The following DNAH5 variants were observed in gnomAD, a reference collection of about 807,000 sequenced individuals.
The protein encoded by DNAH5 is dynein axonemal heavy chain 5.
Under a neutral mutation model 518.2 loss-of-function variants are expected in DNAH5, and 372 were observed. That is an observed-to-expected ratio of 0.72 (90% CI 0.66 to 0.78). The LOEUF (loss-of-function observed/expected upper bound fraction) is 0.78, where lower values mean the gene tolerates loss of function less well. Ranked by LOEUF, DNAH5 falls within the 30% of genes least tolerant of loss-of-function variation. DNAH5 has a pLI of 0.00. For synonymous variants in DNAH5, 2,039 were observed against 2,025.9 expected (o/e 1.01, Z -0.17); for missense variants, 5,523 against 5,687.0 (o/e 0.97, Z 0.93).
Position 13,708,007 on chromosome 5 carries a change from G to A in DNAH5, c.13338+116C>T, listed in dbSNP as rs534020635. The A allele has an allele frequency of 4.5e-5, 56 of 1,244,892 alleles. No individual in the cohort carries two copies. The East Asian group carries it at 6.1e-4, about 14-fold the overall frequency. The allele number at this position is 1,244,892 out of a possible 1,614,324, so 77.1% of individuals were successfully genotyped here. ...AAAATACAGGGCTACAGGGGGCTTCGTCCCTGTGCAAAAGAATCATGTTGA... is the reference window on the plus strand; with the variant it reads ...AAAATACAGGGCTACAGGGGGCTTCATCCCTGTGCAAAAGAATCATGTTGA... On this transcript the variant is annotated intron_variant, in intron 76 of 78. Coordinates refer to ENST00000265104, the MANE Select transcript of DNAH5 (RefSeq NM_001369.3).
Position 13,691,810 on chromosome 5 carries a change from A to G in DNAH5, c.*174T>C, listed in dbSNP as rs1038240439. 1 of 719,730 alleles carries G rather than the reference A, an allele frequency of 1.4e-6. No individual in the cohort carries two copies. Among genetic ancestry groups the G allele is most frequent in the Admixed American group, 2.7e-5 (1 of 36,634 alleles). The allele number at this position is 719,730 out of a possible 1,614,324, so 44.6% of individuals were successfully genotyped here. ...CAACAAACTCAGACATTGGTCACTA[A>G]TGATGAAACAAGTAAAATATAAGCA... is the stretch of plus-strand genomic sequence containing the variant. On this transcript the variant is annotated 3_prime_UTR_variant, in exon 79 of 79. Coordinates refer to ENST00000265104, the MANE Select transcript of DNAH5 (RefSeq NM_001369.3).
chr5:13,808,247 AAG>A (rs1759976987), intron 46 of DNAH5, among the ~76,000 whole-genome samples: 1 of 137,092 alleles, frequency 7.3e-6, no homozygotes, highest in African/African-American at 3.0e-5. Flanking sequence ...AAAAAAAAAA[AAG>A]AGGAAATTTG....
At chr5:13,806,971 C>A (rs932005052) in intron 47 of DNAH5, among the ~76,000 whole-genome samples, 1 of 152,102 alleles carries the variant, frequency 6.6e-6, no homozygotes, top group African/African-American at 2.4e-5. Flanking sequence ...AAGTGGCATT[C>A]TAGGAAGTAA....
intron 12 of DNAH5, among the ~76,000 whole-genome samples, chr5:13,904,021 T>G (rs550317981): frequency 6.6e-6 from 1 of 152,112 alleles, no homozygotes; most frequent in African/African-American, 2.4e-5. Flanking sequence ...AAAACTAAAA[T>G]TCAAGACAAC....
intron 78 of DNAH5, among the ~76,000 whole-genome samples, chr5:13,695,783 T>C (rs1402370661): frequency 6.6e-6 from 1 of 152,170 alleles, no homozygotes; most frequent in East Asian, 1.9e-4. Context: ...GAGATGTTAT[T>C]CGACACTTCT....
At chr5:13,961,994 TTTTC>T (rs1781218941) in intron 1 of DNAH5, among the ~76,000 whole-genome samples, 1 of 152,154 alleles carries the variant, frequency 6.6e-6, no homozygotes, top group Non-Finnish European at 1.5e-5. Context: ...CTTTTTGAGG[TTTTC>T]TTTATTATCA....
chr5:13,916,350 T>G lies in DNAH5; in HGVS notation c.1195A>C (p.Lys399Gln), dbSNP rs751154173. ...TGGACTCTACATCATGCACTTACCT[T>G]TACAAACAGAGATGTGATCTTCTCA... ...TSEKITSLFV[K>Q]VTNQIISACK... The change falls in exon 9 of 79, where the codon AAG (lysine) becomes CAG (glutamine). Residue 399 changes from lysine (K) to glutamine (Q), a missense_variant and splice_region_variant. Lys to Gln is a moderately conservative substitution (Grantham distance 53). This residue lies in a region of DNAH5 where 5,121 missense variants were observed against 5,223.3 expected (regional missense o/e 0.98). Coordinates refer to ENST00000265104, the MANE Select transcript of DNAH5 (RefSeq NM_001369.3). 1 of 1,456,922 alleles carries G rather than the reference T, an allele frequency of 6.9e-7. No homozygotes were observed. The allele number at this position is 1,456,922 out of a possible 1,614,324, so 90.2% of individuals were successfully genotyped here.
intron 30 of DNAH5, among the ~76,000 whole-genome samples, chr5:13,856,256 C>A (rs1190778718): frequency 3.3e-5 from 5 of 151,978 alleles, no homozygotes; most frequent in African/African-American, 1.2e-4. Context: ...GCTAGCCAGA[C>A]TACTAAAGAA....
intron 11 of DNAH5, among the ~76,000 whole-genome samples, chr5:13,912,228 G>A (rs1776071972): frequency 1.3e-5 from 2 of 152,188 alleles, no homozygotes; most frequent in Middle Eastern, 6.8e-3. Flanking sequence ...TAATTTTTAT[G>A]AAGAATATTG....
chr5:13,828,247 C>T (rs1044745009), intron 38 of DNAH5, among the ~76,000 whole-genome samples: 1 of 152,046 alleles, frequency 6.6e-6, no homozygotes, highest in African/African-American at 2.4e-5. Flanking sequence ...TTAGGTTGAA[C>T]CTGTGGGTAT....
chr5:13,759,363 A>C (rs187029016), intron 60 of DNAH5, among the ~76,000 whole-genome samples: 3 of 152,376 alleles, frequency 2.0e-5, no homozygotes, highest in Admixed American at 2.0e-4. Context: ...TTTGGCCCAC[A>C]GGCCATAGTC....
chr5:13,738,249 T>C (rs1257495242), intron 65 of DNAH5, among the ~76,000 whole-genome samples: 1 of 142,344 alleles, frequency 7.0e-6, no homozygotes, highest in Admixed American at 7.2e-5. Context: ...TTTAATATTA[T>C]ATATATAAAA....
chr5:13,976,691 A>G (rs531014013), intron 1 of DNAH5, among the ~76,000 whole-genome samples: 2 of 104,714 alleles, frequency 1.9e-5, no homozygotes, highest in African/African-American at 9.2e-5. Flanking sequence ...GTGTGTGTGT[A>G]TATATATATA....
rs560535018 is a variant in DNAH5 at position 13,714,515 on chromosome 5, T to G, written c.13015A>C (p.Ile4339Leu). Residue 4339 changes from isoleucine to leucine, a missense_variant, in exon 75 of 79, where the codon ATC (isoleucine) becomes CTC (leucine). This residue lies in a region of DNAH5 where 387 missense variants were observed against 430.0 expected (regional missense o/e 0.90). Transcript: ENST00000265104. ...AKDVLDTILGIQPKDTSGGGD... is the reference protein window; with the variant it reads ...AKDVLDTILGLQPKDTSGGGD... ...CCACCAGAGGTGTCCTTGGGTTGGATGCCTAGGATGGTGTCCAGCACGTCC... is the reference window on the plus strand; with the variant it reads ...CCACCAGAGGTGTCCTTGGGTTGGAGGCCTAGGATGGTGTCCAGCACGTCC... 7 of 1,614,152 alleles carry G rather than the reference T, an allele frequency of 4.3e-6. No individual in the cohort carries two copies. In the South Asian group the frequency reaches 7.7e-5, roughly 18 times the overall value.
chr5:13,951,207 CG>C (rs1560996628), intron 1 of DNAH5, among the ~76,000 whole-genome samples: 1 of 60,176 alleles, frequency 1.7e-5, no homozygotes, highest in Admixed American at 2.1e-4. Context: ...TTGTTTTTTT[CG>C]TTTTTTTTTT....
At chr5:14,000,156 G>C (rs1334944308) in intron 1 of DNAH5, among the ~76,000 whole-genome samples, 1 of 152,176 alleles carries the variant, frequency 6.6e-6, no homozygotes, top group Non-Finnish European at 1.5e-5. Context: ...GGTCACTAGG[G>C]TGGGCTCTAT....
chr5:13,900,484 T>G, intron 14 of DNAH5, 72 bp from the exon 15 acceptor site: 35 of 1,232,330 alleles, frequency 2.8e-5, no homozygotes, highest in Non-Finnish European at 3.2e-5. Flanking sequence ...CAGCTATCTC[T>G]AGGAATAAGG....
Position 13,708,296 on chromosome 5 carries a change from T to C in DNAH5, c.13165A>G (p.Met4389Val), listed in dbSNP as rs767353555. 1.2e-6 allele frequency: 2 copies of C among 1,614,148 alleles called. No individual in the cohort carries two copies. Among genetic ancestry groups the C allele is most frequent in the Non-Finnish European group, 1.7e-6 (2 of 1,180,002 alleles). ...RLQKMGPFQP[M>V]NIFLRQEIDR... is the part of the protein sequence containing the mutation. ...ATTTCCTGCCTGAGGAAAATGTTCA[T>C]AGGCTGGAATGGCCCCATCTTCTGC... The change falls in exon 76 of 79, where the codon ATG becomes GTG. Residue 4389 changes from methionine to valine, a missense_variant. By Grantham distance (21) the Met-to-Val change is conservative (BLOSUM62 1). Coordinates refer to ENST00000265104, the MANE Select transcript of DNAH5 (RefSeq NM_001369.3).
rs145324259 is a variant in DNAH5 at position 13,909,574 on chromosome 5, G to A, written c.1644+1812C>T. On this transcript the variant is annotated intron_variant, in intron 12 of 78. Coordinates refer to ENST00000265104, the MANE Select transcript of DNAH5 (RefSeq NM_001369.3). Reference sequence around the variant, plus strand: ...CTAGGTTCACATGATCAGATTCTACGTAATGTTTTCCAGGCCTGATCTCCC... The same window carrying A: ...CTAGGTTCACATGATCAGATTCTACATAATGTTTTCCAGGCCTGATCTCCC... Among the ~76,000 whole-genome samples, 543 of 152,124 alleles carry A rather than the reference G, an allele frequency of 3.6e-3. 2 individuals are homozygous for A. The highest frequency in any genetic ancestry group is 0.011 in the African/African-American group (476 of 41,496).
Sources: allele counts gnomAD v4.1 joint callset (sites outside exome capture counted in the v4.1 genomes callset), GRCh38; gene constraint gnomAD v4.1.1; regional missense constraint gnomAD v4.1.1; transcripts MANE v1.5; gene names NCBI Gene and HGNC (gene_info 2026-07-23, HGNC 2026-07-21).